MYL11: variants seen among roughly 807,000 people sequenced by gnomAD.
MYL11 encodes the protein myosin regulatory light chain 11.
chr16:30,374,182 G>A, the MYL11 span, among the ~76,000 whole-genome samples: 92,875 of 151,504 alleles, frequency 0.61, 29,224 homozygotes, highest in East Asian at 0.9. Context: ...GCCTGGCTTC[G>A]TGGCACACCT....
chr16:30,377,651 C>T, the MYL11 span: 1 of 1,508,420 alleles, frequency 6.6e-7, no homozygotes, highest in Non-Finnish European at 8.9e-7. Context: ...CACCTCTCTC[C>T]AGCCTGGAGG....
chr16:30,375,712 G>T, the MYL11 span: 1 of 895,190 alleles, frequency 1.1e-6, no homozygotes, highest in Non-Finnish European at 1.7e-6. Flanking sequence ...CAGGCCAAAG[G>T]GCTGCTTTAG....
At chr16:30,377,160 C>T in the MYL11 span, among the ~76,000 whole-genome samples, 11 of 151,934 alleles carry the variant, frequency 7.2e-5, no homozygotes, top group Admixed American at 2.6e-4. Context: ...TTGCAGTGAG[C>T]CAAGATCACG....
At chr16:30,374,243 G>A in the MYL11 span, among the ~76,000 whole-genome samples, 4 of 150,550 alleles carry the variant, frequency 2.7e-5, no homozygotes, top group African/African-American at 7.4e-5. Context: ...TTGAACAGGG[G>A]AGGTGGAGGT....
the MYL11 span, chr16:30,376,202 G>C: frequency 3.1e-6 from 5 of 1,614,014 alleles, no homozygotes; most frequent in Non-Finnish European, 4.2e-6. Flanking sequence ...GGACCTTCGG[G>C]ACACCTTCGC....
At chr16:30,370,992 G>T in the MYL11 span, 1,104 of 152,364 alleles carry the variant, frequency 7.2e-3, 12 homozygotes, top group Non-Finnish European at 0.012. Context: ...AATTCTTTAG[G>T]TCTCCCAAAA....
At chr16:30,377,157 G>A in the MYL11 span, among the ~76,000 whole-genome samples, 2 of 151,850 alleles carry the variant, frequency 1.3e-5, no homozygotes, top group Non-Finnish European at 2.9e-5. Flanking sequence ...AGGTTGCAGT[G>A]AGCCAAGATC....
chr16:30,377,741 G>C, the MYL11 span: 1 of 1,595,314 alleles, frequency 6.3e-7, no homozygotes, highest in Middle Eastern at 1.7e-4. Context: ...CAGCAAAGGG[G>C]CTGGGGCCGG....
At chr16:30,372,358 G>T in the MYL11 span, 1 of 152,628 alleles carries the variant, frequency 6.6e-6, no homozygotes, top group Admixed American at 6.5e-5. Context: ...AAATGTCTTA[G>T]AGGTATCGGC....
the MYL11 span, chr16:30,376,624 C>G: frequency 6.2e-5 from 100 of 1,613,986 alleles, no homozygotes; most frequent in Non-Finnish European, 8.1e-5. Flanking sequence ...CCACAGGTGC[C>G]GACCCTGAGG....
chr16:30,371,887 A>ACCTTCTAAC, the MYL11 span, among the ~76,000 whole-genome samples: 4 of 151,972 alleles, frequency 2.6e-5, no homozygotes, highest in Non-Finnish European at 5.9e-5. Flanking sequence ...CAACCTTCCA[A>ACCTTCTAAC]CTTCTAAACG....
chr16:30,376,405 T>G, the MYL11 span: 2 of 1,606,300 alleles, frequency 1.2e-6, no homozygotes, highest in Non-Finnish European at 1.7e-6. Context: ...AGCCCATGCT[T>G]CCCCCAACCC....
chr16:30,372,674 C>T, the MYL11 span, among the ~76,000 whole-genome samples: 2 of 150,108 alleles, frequency 1.3e-5, no homozygotes, highest in African/African-American at 2.5e-5. Flanking sequence ...GGGTCTTTTC[C>T]TCCCCTCTTG....
At chr16:30,376,039 G>A in the MYL11 span, 28 of 1,497,998 alleles carry the variant, frequency 1.9e-5, no homozygotes, top group Non-Finnish European at 2.5e-5. Context: ...TCTGCTTGGG[G>A]TGGAAGAGGA....
chr16:30,375,652 G>A, the MYL11 span, among the ~76,000 whole-genome samples: 2 of 152,046 alleles, frequency 1.3e-5, no homozygotes, highest in South Asian at 4.1e-4. Flanking sequence ...TTTGGGGAAT[G>A]CAATCAAAGC....
At chr16:30,376,126 C>T in the MYL11 span, 2 of 1,611,694 alleles carry the variant, frequency 1.2e-6, no homozygotes, top group African/African-American at 2.7e-5. Flanking sequence ...CTAACCCTCC[C>T]CACCACGGCC....
the MYL11 span, chr16:30,376,344 G>A: frequency 6.5e-7 from 1 of 1,546,152 alleles, no homozygotes; most frequent in Non-Finnish European, 8.8e-7. Context: ...AAAATGAATG[G>A]GATCAGCTGA....
At chr16:30,376,620 G>A in the MYL11 span, 18 of 1,614,100 alleles carry the variant, frequency 1.1e-5, no homozygotes, top group Non-Finnish European at 1.4e-5. Flanking sequence ...ACCCCCACAG[G>A]TGCCGACCCT....
chr16:30,374,676 AAGGAG>A, the MYL11 span: 1 of 628,402 alleles, frequency 1.6e-6, no homozygotes, highest in East Asian at 3.2e-5. Flanking sequence ...CCCTCCAAGA[AAGGAG>A]AGGCCCTGAG....
Sources: gnomAD v4.1 joint callset for allele counts (sites outside exome capture counted in the v4.1 genomes callset) on GRCh38, gnomAD v4.1.1 for gene constraint, MANE v1.5 for transcripts, NCBI Gene and HGNC (gene_info 2026-07-23, HGNC 2026-07-21) for gene names.